PDE11A: variants seen among roughly 807,000 people sequenced by gnomAD.
PDE11A encodes phosphodiesterase 11A.
Under a neutral mutation model 100.5 loss-of-function variants are expected in PDE11A, and 100 were observed. The ratio of observed to expected loss-of-function variants is 1.00; its 90% confidence interval spans 0.85 to 1.18. The LOEUF (loss-of-function observed/expected upper bound fraction) is 1.18, where lower values mean the gene tolerates loss of function less well. PDE11A is among the 50% of genes most tolerant of loss of function. PDE11A has a pLI of 0.00. For missense variants in PDE11A, 1,141 were observed against 1,152.6 expected (o/e 0.99, Z 0.15); for synonymous variants, 381 against 420.8 (o/e 0.91, Z 1.16).
At chr2:177,769,635 C>G (rs1025900006) in intron 9 of PDE11A, among the ~76,000 whole-genome samples, 3 of 152,120 alleles carry the variant, frequency 2.0e-5, no homozygotes, top group Non-Finnish European at 4.4e-5. Context: ...CGCCTGTAAT[C>G]CCAGCATTTG....
chr2:177,796,061 T>C (rs2082704625), intron 9 of PDE11A, among the ~76,000 whole-genome samples: 1 of 150,280 alleles, frequency 6.7e-6, no homozygotes, highest in Non-Finnish European at 1.5e-5. Flanking sequence ...TATATATATA[T>C]CTTTGCTGTA....
chr2:177,850,071 T>C (rs868553908), intron 5 of PDE11A, among the ~76,000 whole-genome samples: 10 of 152,100 alleles, frequency 6.6e-5, no homozygotes, highest in Non-Finnish European at 8.8e-5. Flanking sequence ...GAGCCCACAT[T>C]GCCAAGTCAA....
chr2:177,900,715 G>A (rs1239261586), intron 3 of PDE11A, among the ~76,000 whole-genome samples: 2 of 152,066 alleles, frequency 1.3e-5, no homozygotes, highest in East Asian at 3.9e-4. Flanking sequence ...CTGAGATCAC[G>A]CCACTGCACT....
At chr2:178,052,550 C>G (rs1160070662) in intron 1 of PDE11A, among the ~76,000 whole-genome samples, 1 of 152,010 alleles carries the variant, frequency 6.6e-6, no homozygotes, top group African/African-American at 2.4e-5. Flanking sequence ...ACAAAAAACC[C>G]TTCAAAAAAT....
At chr2:177,651,917 G>GA (rs1229823934) in intron 19 of PDE11A, among the ~76,000 whole-genome samples, 5 of 152,118 alleles carry the variant, frequency 3.3e-5, no homozygotes, top group African/African-American at 1.2e-4. Flanking sequence ...TCTCATCCGT[G>GA]AAATAAAGGC....
At chr2:177,770,314 C>T (rs1016197486) in intron 9 of PDE11A, among the ~76,000 whole-genome samples, 1 of 152,186 alleles carries the variant, frequency 6.6e-6, no homozygotes, top group Non-Finnish European at 1.5e-5. Context: ...GTCTGAGCCC[C>T]CAAATAAAGA....
At chr2:177,638,101 G>A (rs2080078578) in intron 19 of PDE11A, among the ~76,000 whole-genome samples, 2 of 148,388 alleles carry the variant, frequency 1.3e-5, no homozygotes, top group Admixed American at 6.8e-5. Flanking sequence ...CCAGGTTCAC[G>A]CCATTCTCCT....
intron 4 of PDE11A, among the ~76,000 whole-genome samples, chr2:177,890,430 T>C (rs371045071): frequency 3.9e-5 from 6 of 152,300 alleles, no homozygotes; most frequent in African/African-American, 1.4e-4. Flanking sequence ...TTGGTGAACA[T>C]TGTGCTCTAC....
chr2:177,777,437 A>G (rs1422616618), intron 9 of PDE11A, among the ~76,000 whole-genome samples: 1 of 152,214 alleles, frequency 6.6e-6, no homozygotes, highest in Non-Finnish European at 1.5e-5. Flanking sequence ...ATAATATTAT[A>G]TGGCTCAGAT....
intron 2 of PDE11A, among the ~76,000 whole-genome samples, chr2:177,914,400 ACT>A (rs1214633933): frequency 1.3e-5 from 2 of 152,020 alleles, no homozygotes; most frequent in African/African-American, 2.4e-5. Context: ...AACTTGGCCT[ACT>A]CTCTCTCACA....
At chr2:177,768,377 C>T (rs1017711592) in intron 10 of PDE11A, among the ~76,000 whole-genome samples, 2 of 152,152 alleles carry the variant, frequency 1.3e-5, no homozygotes, top group Non-Finnish European at 2.9e-5. Flanking sequence ...CATATATATG[C>T]AAATGGGACT....
intron 9 of PDE11A, among the ~76,000 whole-genome samples, chr2:177,771,202 T>TA (rs2082306697): frequency 6.6e-6 from 1 of 152,240 alleles, no homozygotes; most frequent in African/African-American, 2.4e-5. Context: ...CTACAAACCT[T>TA]AGAGAATCAC....
At chr2:177,858,487 A>G (rs917199445) in intron 5 of PDE11A, among the ~76,000 whole-genome samples, 4 of 152,192 alleles carry the variant, frequency 2.6e-5, no homozygotes, top group Admixed American at 2.6e-4. Flanking sequence ...CAACAGACAC[A>G]TGAAAAAATG....
At chr2:177,708,786 G>C (rs1369541786) in intron 13 of PDE11A, among the ~76,000 whole-genome samples, 1 of 152,136 alleles carries the variant, frequency 6.6e-6, no homozygotes, top group African/African-American at 2.4e-5. Context: ...TGTTTATTAT[G>C]CTCCCCCAAG....
chr2:177,781,714 C>T (rs1165106827), intron 9 of PDE11A, among the ~76,000 whole-genome samples: 1 of 152,150 alleles, frequency 6.6e-6, no homozygotes, highest in East Asian at 1.9e-4. Flanking sequence ...GTTGGCCAGG[C>T]TGGTCTTGAA....
intron 2 of PDE11A, among the ~76,000 whole-genome samples, chr2:178,008,582 A>G (rs1445877878): frequency 6.6e-6 from 1 of 152,178 alleles, no homozygotes; most frequent in Non-Finnish European, 1.5e-5. Context: ...TGACATCTCA[A>G]TAATCTTAAA....
At chr2:177,794,805 A>G (rs1207826387) in intron 9 of PDE11A, among the ~76,000 whole-genome samples, 1 of 148,792 alleles carries the variant, frequency 6.7e-6, no homozygotes, top group Non-Finnish European at 1.5e-5. Flanking sequence ...TTTGTTTTTG[A>G]GACAGAGTCT....
chr2:177,818,578 T>G (rs926371647), intron 7 of PDE11A, among the ~76,000 whole-genome samples: 5 of 152,144 alleles, frequency 3.3e-5, no homozygotes, highest in Non-Finnish European at 4.4e-5. Flanking sequence ...TTTAGCATAT[T>G]GCTTCACTCA....
intron 4 of PDE11A, among the ~76,000 whole-genome samples, chr2:177,885,201 A>AGTGG (rs1553486006): frequency 2.0e-5 from 3 of 149,304 alleles, no homozygotes; most frequent in Non-Finnish European, 4.5e-5. Flanking sequence ...TAATGATGTG[A>AGTGG]GTGTGTGTGT....
Sources: gnomAD v4.1 joint callset for allele counts (sites outside exome capture counted in the v4.1 genomes callset) on GRCh38, gnomAD v4.1.1 for gene constraint, MANE v1.5 for transcripts, NCBI Gene and HGNC (gene_info 2026-07-23, HGNC 2026-07-21) for gene names.